TNRC6A: variants seen among roughly 807,000 people sequenced by gnomAD.
TNRC6A encodes the protein trinucleotide repeat containing adaptor 6A.
TNRC6A carries 44 observed loss-of-function variants against 221.2 expected under a neutral mutation model. The ratio of observed to expected loss-of-function variants is 0.20; its 90% CI spans 0.16 to 0.26. The LOEUF (loss-of-function observed/expected upper bound fraction) is 0.26. Among genes scored for constraint, TNRC6A ranks in the 10% least tolerant of loss-of-function variants. The pLI, the probability that TNRC6A is intolerant of heterozygous loss-of-function variation, is 1.00. For synonymous variants in TNRC6A, 847 were observed against 838.5 expected (o/e 1.01, Z -0.18); for missense variants, 2,199 against 2,404.4 (o/e 0.91, Z 1.79).
At chr16:24,669,674 C>T (rs1370389612) in intron 2 of TNRC6A, among the ~76,000 whole-genome samples, 7 of 151,978 alleles carry the variant, frequency 4.6e-5, no homozygotes, top group Admixed American at 3.3e-4. Context: ...CAGTACCATT[C>T]GTGGGAGAGG....
intron 2 of TNRC6A, among the ~76,000 whole-genome samples, chr16:24,660,749 T>TC (rs1221430114): frequency 2.9e-5 from 4 of 138,124 alleles, no homozygotes; most frequent in East Asian, 4.1e-4. Flanking sequence ...CTTTTTTTTT[T>TC]TTTTTTTTTT....
At chr16:24,794,087 T>C (rs1567488593) in intron 7 of TNRC6A, among the ~76,000 whole-genome samples, 1 of 152,188 alleles carries the variant, frequency 6.6e-6, no homozygotes, top group Admixed American at 6.5e-5. Context: ...TCCCATAGGC[T>C]GTGTACAAGA....
At chr16:24,698,762 G>A (rs977566350) in intron 2 of TNRC6A, among the ~76,000 whole-genome samples, 9 of 152,170 alleles carry the variant, frequency 5.9e-5, no homozygotes, top group Non-Finnish European at 1.2e-4. Context: ...CCAGGCTGGA[G>A]TGCAGTGGCA....
intron 21 of TNRC6A, chr16:24,819,862 T>G (rs1567524131): frequency 4.6e-6 from 2 of 433,058 alleles, no homozygotes; most frequent in East Asian, 7.8e-5. Flanking sequence ...TTCAGATTGT[T>G]TTCCATTTCA....
At chr16:24,646,150 T>C (rs1428921025) in intron 2 of TNRC6A, among the ~76,000 whole-genome samples, 1 of 152,210 alleles carries the variant, frequency 6.6e-6, no homozygotes, top group Non-Finnish European at 1.5e-5. Flanking sequence ...GGTTTTTCTT[T>C]CTTTAGAGCT....
At chr16:24,652,519 C>T (rs942638800) in intron 2 of TNRC6A, among the ~76,000 whole-genome samples, 3 of 152,166 alleles carry the variant, frequency 2.0e-5, no homozygotes, top group African/African-American at 7.2e-5. Context: ...ACCTCCAGAC[C>T]TCAGCACCGA....
At chr16:24,750,691 A>G (rs1418031123) in intron 2 of TNRC6A, 35 bp from the exon 3 acceptor site, 1 of 1,493,942 alleles carries the variant, frequency 6.7e-7, no homozygotes, top group Admixed American at 2.5e-5. Flanking sequence ...TTCTTAATAC[A>G]TTTTGGGAAA....
chr16:24,808,343 C>G (rs543240644), intron 17 of TNRC6A, among the ~76,000 whole-genome samples: 4 of 152,364 alleles, frequency 2.6e-5, no homozygotes, highest in African/African-American at 9.6e-5. Flanking sequence ...ATACAGTTAT[C>G]TAAGTTCGGC....
chr16:24,805,366 TGA>T (rs1567504685), intron 14 of TNRC6A: 1 of 946,390 alleles, frequency 1.1e-6, no homozygotes, highest in Non-Finnish European at 1.5e-6. Flanking sequence ...AAAACATTCT[TGA>T]GAGTAGGACA....
intron 1 of TNRC6A, among the ~76,000 whole-genome samples, chr16:24,612,372 C>CT (rs1204695111): frequency 2.0e-5 from 3 of 152,152 alleles, no homozygotes; most frequent in African/African-American, 4.8e-5. Context: ...GGGCACTCAG[C>CT]TAATAAGTGA....
chr16:24,646,971 C>G (rs1316516065), intron 2 of TNRC6A, among the ~76,000 whole-genome samples: 1 of 150,764 alleles, frequency 6.6e-6, no homozygotes, highest in Non-Finnish European at 1.5e-5. Flanking sequence ...CTCTATTTCC[C>G]AGGCTGGAGT....
intron 2 of TNRC6A, among the ~76,000 whole-genome samples, chr16:24,666,150 G>T (rs2055154367): frequency 6.6e-6 from 1 of 152,030 alleles, no homozygotes; most frequent in Non-Finnish European, 1.5e-5. Flanking sequence ...AGCATAGCAA[G>T]ACCCCATCTC....
At chr16:24,666,660 AAAAAAAAAATAT>A (rs1276620953) in intron 2 of TNRC6A, among the ~76,000 whole-genome samples, 28 of 119,178 alleles carry the variant, frequency 2.3e-4, no homozygotes, top group African/African-American at 9.7e-4. Context: ...AAAAAAAAAA[AAAAAAAAAATAT>A]ATATATATAT....
chr16:24,672,770 T>C lies in TNRC6A; in HGVS notation n.402+31761T>C, dbSNP rs1281729031. On this transcript the variant is annotated intron_variant and non_coding_transcript_variant, in intron 2 of 2. Coordinates refer to the TNRC6A transcript ENST00000566108. ...CCTGTTCTTCTTAGATGATACAGGC[T>C]GAAGTATTTAGAGAAGTGTCATGAT... 7.0e-5 allele frequency among the ~76,000 whole-genome samples: 6 copies of C among 86,064 alleles called. No homozygotes were observed. The East Asian group carries it at 2.9e-3, about 41-fold the overall frequency. 56.5% of individuals were successfully genotyped at this position (86,064 alleles called of 152,430 possible). A position where few individuals can be genotyped will look rare whatever the true frequency, so the allele number is the denominator to read the frequency against.
intron 2 of TNRC6A, among the ~76,000 whole-genome samples, chr16:24,713,064 C>T (rs2056238031): frequency 6.6e-6 from 1 of 151,966 alleles, no homozygotes; most frequent in South Asian, 2.1e-4. Flanking sequence ...CAGGTGTATG[C>T]CACTGTGCCA....
intron 18 of TNRC6A, among the ~76,000 whole-genome samples, chr16:24,814,265 T>C (rs1452346780): frequency 1.3e-5 from 2 of 152,042 alleles, no homozygotes; most frequent in Non-Finnish European, 2.9e-5. Flanking sequence ...CTGTGTGTTA[T>C]AGATGTTCAT....
intron 2 of TNRC6A, among the ~76,000 whole-genome samples, chr16:24,677,458 C>T (rs1468788259): frequency 2.0e-5 from 3 of 152,142 alleles, no homozygotes; most frequent in African/African-American, 7.2e-5. Flanking sequence ...CCACAGTGCC[C>T]GGCCCCATGT....
chr16:24,796,465 C>T (rs2058221375), intron 9 of TNRC6A: 1 of 152,322 alleles, frequency 6.6e-6, no homozygotes, highest in Admixed American at 6.6e-5. Flanking sequence ...TGCGTTAATT[C>T]AAGCTAGAAA....
chr16:24,660,370 G>T (rs1935726639), intron 2 of TNRC6A, among the ~76,000 whole-genome samples: 1 of 152,088 alleles, frequency 6.6e-6, no homozygotes, highest in African/African-American at 2.4e-5. Flanking sequence ...TCGACTAATA[G>T]TCTCCAATCC....
Sources: gnomAD v4.1 joint callset for allele counts (sites outside exome capture counted in the v4.1 genomes callset) on GRCh38, gnomAD v4.1.1 for gene constraint, MANE v1.5 for transcripts, NCBI Gene and HGNC (gene_info 2026-07-23, HGNC 2026-07-21) for gene names.